PDK4: variants seen among roughly 807,000 people sequenced by gnomAD.
The protein encoded by PDK4 is pyruvate dehydrogenase kinase, isozyme 4.
PDK4 carries 43 observed loss-of-function variants against 51.7 expected under a neutral mutation model. The ratio of observed to expected loss-of-function variants is 0.83; its 90% CI spans 0.65 to 1.07. PDK4 has a LOEUF of 1.07. Among genes scored for constraint, PDK4 ranks in the 50% least tolerant of loss-of-function variants. The pLI is 0.00. For missense variants in PDK4, 498 were observed against 503.5 expected, an observed-to-expected ratio of 0.99 and a Z score of 0.10; for synonymous variants, 170 against 176.6, an observed-to-expected ratio of 0.96 and a Z score of 0.30.
At chr7:95,591,078 C>A (rs1271561423) in intron 6 of PDK4, among the ~76,000 whole-genome samples, 1 of 152,130 alleles carries the variant, frequency 6.6e-6, no homozygotes, top group African/African-American at 2.4e-5. Context: ...GCTGGGACTA[C>A]ACGTGTGTGC....
chr7:95,585,895 C>G, intron 10 of PDK4, 114 bp from the exon 11 acceptor site: 1 of 864,024 alleles, frequency 1.2e-6, no homozygotes, highest in Non-Finnish European at 1.8e-6. Flanking sequence ...CATTCAAATA[C>G]ATTCATTTAA....
chr7:95,592,465 A>G (rs1791562645), intron 5 of PDK4, 46 bp downstream of exon 5: 1 of 1,026,168 alleles, frequency 9.7e-7, no homozygotes, highest in Non-Finnish European at 1.6e-6. Context: ...TGTCAATCAT[A>G]TATTGTACAT....
chr7:95,593,016 A>C (rs1791572073), intron 3 of PDK4, 72 bp from the exon 4 acceptor site: 1 of 1,048,844 alleles, frequency 9.5e-7, no homozygotes, highest in Non-Finnish European at 1.4e-6. Context: ...AGGTTACTTC[A>C]CAGAAGGCTA....
intron 5 of PDK4, 60 bp downstream of exon 5, chr7:95,592,451 G>T: frequency 1.1e-6 from 1 of 933,252 alleles, no homozygotes; most frequent in Non-Finnish European, 1.8e-6. Context: ...CTCAATTATA[G>T]ATATGTCAAT....
At position 95,585,003 on chromosome 7, in the gene PDK4, G is replaced by A. The variant is rs923898170; in HGVS notation, c.*638C>T. 6.6e-6 allele frequency: 1 copy of A among 152,422 alleles called. No homozygotes were observed. 9.4% of individuals were successfully genotyped at this position (152,422 alleles called of 1,614,324 possible). A position where few individuals can be genotyped will look rare whatever the true frequency, so the allele number is the denominator to read the frequency against. On this transcript the variant is annotated 3_prime_UTR_variant, in exon 11 of 11. Coordinates refer to ENST00000005178, the MANE Select transcript of PDK4 (RefSeq NM_002612.4). ...TTTATCAGAGGAGCCTTCCTTCTGA[G>A]TTTTTACATAAGTTGATGCCTTCAC...
In PDK4 at chr7:95,592,013, T is replaced by C. The variant is rs1791558146; in HGVS notation, c.669A>G (p.Pro223=). 2.6e-6 allele frequency: 4 copies of C among 1,564,912 alleles called. No homozygotes were observed. In the Admixed American group the frequency reaches 5.4e-5, roughly 21 times the overall value. ...CATTCACTTGTGTAAGCTTTAATTC[T>C]GGAGATGATAAATAATACTGATCAC... ...MLCDQYYLSS[P]ELKLTQVNGK... is the part of the protein sequence containing the mutation. The change falls in exon 6 of 11, where the codon CCA becomes CCG. Residue 223 remains proline (P), a synonymous_variant. Transcript: ENST00000005178.
chr7:95,585,863 C>T (rs1791475088), intron 10 of PDK4, 82 bp from the exon 11 acceptor site: 1 of 1,205,846 alleles, frequency 8.3e-7, no homozygotes, highest in Non-Finnish European at 1.2e-6. Flanking sequence ...ACTCAAAATA[C>T]ATTCAGAGGT....
At chr7:95,595,355 C>G (rs1791606158) in intron 1 of PDK4, among the ~76,000 whole-genome samples, 191 bp from the exon 2 acceptor site, 2 of 152,210 alleles carry the variant, frequency 1.3e-5, no homozygotes, top group East Asian at 3.8e-4. Context: ...GTCCTTTCGT[C>G]TTTCCTTCTT....
In PDK4 at chr7:95,596,509, C is replaced by G; in HGVS notation, c.-216G>C. The G allele has an allele frequency of 2.0e-6, 1 of 501,502 alleles. No homozygotes were observed. Among genetic ancestry groups the G allele is most frequent in the Admixed American group, 4.4e-5 (1 of 22,872 alleles). The allele number at this position is 501,502 out of a possible 1,614,324, so 31.1% of individuals were successfully genotyped here. A position where few individuals can be genotyped will look rare whatever the true frequency, so the allele number is the denominator to read the frequency against. On this transcript the variant is annotated 5_prime_UTR_variant, in exon 1 of 11. Transcript: ENST00000005178. ...GATGCAGTGGTTCGAGATTCAAGTT[C>G]AAGTCTTCCCACCAGCCGCCGCCGC...
chr7:95,591,919 CA>C (rs1200625148), intron 6 of PDK4, 68 bp downstream of exon 6: 5 of 823,780 alleles, frequency 6.1e-6, no homozygotes, highest in Non-Finnish European at 7.8e-6. Flanking sequence ...TTTATATTTA[CA>C]AAAAGCAATA....
chr7:95,588,799 T>G (rs1337110801), intron 7 of PDK4, among the ~76,000 whole-genome samples: 1 of 152,216 alleles, frequency 6.6e-6, no homozygotes, highest in African/African-American at 2.4e-5. Context: ...TGATCTTAAT[T>G]TAACTTAATC....
chr7:95,585,541 C>T lies in PDK4; in HGVS notation c.*100G>A, dbSNP rs746057965. Reference sequence around the variant, plus strand: ...CTGATTAAGGAGTTTTCGTTGCTGTCGTTTGTTTTGGAGGAAACAAGGGTT... The same window carrying T: ...CTGATTAAGGAGTTTTCGTTGCTGTTGTTTGTTTTGGAGGAAACAAGGGTT... On this transcript the variant is annotated 3_prime_UTR_variant, in exon 11 of 11. Coordinates refer to ENST00000005178, the MANE Select transcript of PDK4 (RefSeq NM_002612.4). The T allele has an allele frequency of 9.7e-5, 102 of 1,052,358 alleles. No individual in the cohort carries two copies. The highest frequency in any genetic ancestry group is 1.3e-4 in the Non-Finnish European group (95 of 736,356). 65.2% of individuals were successfully genotyped at this position (1,052,358 alleles called of 1,614,324 possible). A position where few individuals can be genotyped will look rare whatever the true frequency, so the allele number is the denominator to read the frequency against.
intron 8 of PDK4, 33 bp from the exon 9 acceptor site, chr7:95,587,561 C>G (rs889459044): frequency 3.6e-6 from 5 of 1,388,894 alleles, no homozygotes; most frequent in Non-Finnish European, 5.1e-6. Flanking sequence ...CAAAGCCACA[C>G]ATTAAAAACA....
Position 95,596,419 on chromosome 7 carries a change from T to A in PDK4, c.-126A>T, listed in dbSNP as rs10271972. The stretch of plus-strand genomic sequence containing the variant: ...AGGACTGCAGGTGCGCTGGCTGGCT[T>A]GTGCGCCCCGGCCTGGGCTGGGGTT... On this transcript the variant is annotated 5_prime_UTR_variant, in exon 1 of 11. Transcript: ENST00000005178. 24 of 1,100,598 alleles carry A rather than the reference T, an allele frequency of 2.2e-5. No individual in the cohort carries two copies. Among genetic ancestry groups the A allele is most frequent in the Admixed American group, 7.4e-5 (2 of 27,010 alleles). The allele number at this position is 1,100,598 out of a possible 1,614,324, so 68.2% of individuals were successfully genotyped here.
chr7:95,595,794 T>G (rs9791957), intron 1 of PDK4, among the ~76,000 whole-genome samples: 60,853 of 152,066 alleles, frequency 0.4, 12,965 homozygotes, highest in East Asian at 0.77. Flanking sequence ...TATTTAATAC[T>G]ATTCAGAAAC....
chr7:95,587,423 G>A lies in PDK4; in HGVS notation c.976C>T (p.Pro326Ser), dbSNP rs751482694. The part of the protein sequence containing the change: ...TPVMDNSRNA[P>S]LAGFGYGLPI... ...AGCCATATAATTGTTCTTACCAAAG[G>A]AGCATTCCGGGAATTATCCATCACA... is the stretch of plus-strand genomic sequence containing the variant. The change falls in exon 9 of 11, where the codon CCT becomes TCT. Residue 326 changes from proline (P) to serine (S), a missense_variant. By Grantham distance (74) the Pro-to-Ser change is moderately conservative. Transcript: ENST00000005178. 3.2e-6 allele frequency: 5 copies of A among 1,572,888 alleles called. No individual in the cohort carries two copies. The South Asian group carries it at 4.4e-5, about 14-fold the overall frequency.
At chr7:95,587,654 A>G (rs1241968498) in intron 8 of PDK4, 73 bp downstream of exon 8, 3 of 1,216,804 alleles carry the variant, frequency 2.5e-6, no homozygotes, top group Non-Finnish European at 2.4e-6. Flanking sequence ...TGCAAAAAGC[A>G]GACAGCTTTA....
intron 7 of PDK4, 44 bp from the exon 8 acceptor site, chr7:95,587,869 A>T: frequency 8.6e-7 from 1 of 1,164,042 alleles, no homozygotes; most frequent in Non-Finnish European, 1.3e-6. Flanking sequence ...CAGAGGAATG[A>T]GGGACAATAA....
Position 95,585,564 on chromosome 7 carries a change from G to T in PDK4, c.*77C>A. 7.7e-7 allele frequency: 1 copy of T among 1,299,476 alleles called. No individual in the cohort carries two copies. 80.5% of individuals were successfully genotyped at this position (1,299,476 alleles called of 1,614,324 possible). A position where few individuals can be genotyped will look rare whatever the true frequency, so the allele number is the denominator to read the frequency against. ...GTCGTTTGTTTTGGAGGAAACAAGGGTTCACACACAAACATTCAGGAAGCA... is the reference window on the plus strand; with the variant it reads ...GTCGTTTGTTTTGGAGGAAACAAGGTTTCACACACAAACATTCAGGAAGCA... On this transcript the variant is annotated 3_prime_UTR_variant, in exon 11 of 11. Transcript: ENST00000005178.
Sources: gnomAD v4.1 joint callset for allele counts (sites outside exome capture counted in the v4.1 genomes callset) on GRCh38, gnomAD v4.1.1 for gene constraint, MANE v1.5 for transcripts, NCBI Gene and HGNC (gene_info 2026-07-23, HGNC 2026-07-21) for gene names.